WDR41: variants seen among roughly 807,000 people sequenced by gnomAD.
The protein encoded by WDR41 is WD repeat domain 41, also known as WD repeat-containing protein 41.
WDR41 carries 63 observed loss-of-function variants against 69.3 expected under a neutral mutation model. The ratio of observed to expected loss-of-function variants is 0.91; its 90% CI spans 0.74 to 1.12. The LOEUF (loss-of-function observed/expected upper bound fraction) is 1.12. WDR41 is among the 50% of genes most tolerant of loss of function. The probability of loss-of-function intolerance (pLI) is 0.00; values close to 1 mark genes in which losing one functional copy is unlikely to be tolerated. For synonymous variants in WDR41, 185 were observed against 192.1 expected (o/e 0.96, Z 0.31); for missense variants, 543 against 534.5 (o/e 1.02, Z -0.16).
chr5:77,459,205 A>T (rs1170674144), intron 4 of WDR41, 81 bp from the exon 5 acceptor site: 2 of 1,028,952 alleles, frequency 1.9e-6, no homozygotes, highest in Non-Finnish European at 1.5e-6. Context: ...ATTAAGCCAC[A>T]AATGTTAAGC....
chr5:77,453,194 G>A (rs1799692746), intron 6 of WDR41, among the ~76,000 whole-genome samples: 1 of 152,086 alleles, frequency 6.6e-6, no homozygotes, highest in Admixed American at 6.5e-5. Context: ...GCACAACAAT[G>A]TTCCTTCTAG....
intron 1 of WDR41, among the ~76,000 whole-genome samples, chr5:77,534,137 C>T (rs889337822): frequency 6.6e-6 from 1 of 151,980 alleles, no homozygotes; most frequent in African/African-American, 2.4e-5. Context: ...TAAATAGACA[C>T]TTAAAAAAGT....
chr5:77,450,616 T>G (rs1016659664), intron 7 of WDR41, among the ~76,000 whole-genome samples: 6 of 152,134 alleles, frequency 3.9e-5, no homozygotes, highest in Non-Finnish European at 8.8e-5. Flanking sequence ...TAAGGCCCAG[T>G]CACAAATGCT....
chr5:77,604,395 G>A (rs1744377168), intron 1 of WDR41, among the ~76,000 whole-genome samples: 1 of 152,114 alleles, frequency 6.6e-6, no homozygotes, highest in Non-Finnish European at 1.5e-5. Flanking sequence ...TGCTTTACAT[G>A]CTCAGAGAAA....
chr5:77,445,273 G>A (rs1398762253), intron 8 of WDR41, among the ~76,000 whole-genome samples: 1 of 152,138 alleles, frequency 6.6e-6, no homozygotes, highest in Non-Finnish European at 1.5e-5. Context: ...TTCTGAAATT[G>A]AGGCAGTAAT....
At chr5:77,590,206 A>C (rs1295511117) in intron 1 of WDR41, among the ~76,000 whole-genome samples, 1 of 152,152 alleles carries the variant, frequency 6.6e-6, no homozygotes, top group Non-Finnish European at 1.5e-5. Flanking sequence ...TATCAGTTTT[A>C]TAGATAGCTG....
At chr5:77,608,748 G>A (rs1744477991) in intron 1 of WDR41, among the ~76,000 whole-genome samples, 1 of 152,234 alleles carries the variant, frequency 6.6e-6, no homozygotes, top group Non-Finnish European at 1.5e-5. Flanking sequence ...GGTGATTTCT[G>A]CATTTCCATC....
intron 1 of WDR41, among the ~76,000 whole-genome samples, chr5:77,553,054 A>G: frequency 6.6e-6 from 1 of 152,224 alleles, no homozygotes; most frequent in Non-Finnish European, 1.5e-5. Context: ...CCTCCCTGAA[A>G]TTAGAAATGT....
chr5:77,465,646 G>C (rs1348188337), intron 2 of WDR41, among the ~76,000 whole-genome samples: 1 of 150,954 alleles, frequency 6.6e-6, no homozygotes, highest in East Asian at 1.9e-4. Context: ...TCATCCACAA[G>C]TTTGTAAATA....
chr5:77,441,843 C>G (rs1799180455), intron 8 of WDR41, among the ~76,000 whole-genome samples: 1 of 150,808 alleles, frequency 6.6e-6, no homozygotes, highest in African/African-American at 2.4e-5. Context: ...ATAAGGAGTT[C>G]TTGGAAATTA....
At chr5:77,565,900 T>C (rs565291868) in intron 1 of WDR41, among the ~76,000 whole-genome samples, 29 of 152,300 alleles carry the variant, frequency 1.9e-4, no homozygotes, top group African/African-American at 6.7e-4. Context: ...TCTGAAGGTG[T>C]ATTGTAGGTA....
chr5:77,584,000 C>T (rs867306909), intron 1 of WDR41, among the ~76,000 whole-genome samples: 1 of 152,188 alleles, frequency 6.6e-6, no homozygotes, highest in Non-Finnish European at 1.5e-5. Flanking sequence ...ACATAATCAT[C>T]TCAATAGATG....
chr5:77,487,861 T>C (rs1801592569), intron 2 of WDR41, among the ~76,000 whole-genome samples: 3 of 152,190 alleles, frequency 2.0e-5, no homozygotes, highest in Admixed American at 6.5e-5. Context: ...CAAACAATCA[T>C]GCCTACTAAT....
chr5:77,611,286 C>T (rs1362317931), intron 1 of WDR41, among the ~76,000 whole-genome samples: 1 of 152,198 alleles, frequency 6.6e-6, no homozygotes, highest in Non-Finnish European at 1.5e-5. Context: ...GAATTGAACT[C>T]AGCTCTGCAC....
At chr5:77,613,627 C>G (rs1192759450) in intron 1 of WDR41, among the ~76,000 whole-genome samples, 1 of 152,102 alleles carries the variant, frequency 6.6e-6, no homozygotes, top group Non-Finnish European at 1.5e-5. Context: ...TTCCTTACAC[C>G]TTATACAAAA....
At chr5:77,495,050 A>G (rs760441171), upstream of WDR41, among the ~76,000 whole-genome samples, 1 of 152,168 alleles carries the variant, frequency 6.6e-6, no homozygotes, top group Non-Finnish European at 1.5e-5. Context: ...AATGAGTCAC[A>G]AGAAAAAGCA....
chr5:77,591,806 C>T (rs1420902288), intron 1 of WDR41, among the ~76,000 whole-genome samples: 1 of 152,030 alleles, frequency 6.6e-6, no homozygotes, highest in African/African-American at 2.4e-5. Context: ...CTTTATGTTC[C>T]ACCATATGAT....
chr5:77,438,462 T>C (rs1191269137), intron 9 of WDR41, 101 bp from the exon 10 acceptor site: 2 of 1,491,662 alleles, frequency 1.3e-6, no homozygotes, highest in Admixed American at 2.1e-5. Context: ...CACCATTACC[T>C]TTCCCATTCC....
chr5:77,502,177 T>A (rs1802026143), intron 1 of WDR41, among the ~76,000 whole-genome samples: 1 of 152,106 alleles, frequency 6.6e-6, no homozygotes, highest in Non-Finnish European at 1.5e-5. Flanking sequence ...AGATCTTAAA[T>A]GACCTGATGG....
Sources: allele counts gnomAD v4.1 joint callset (sites outside exome capture counted in the v4.1 genomes callset), GRCh38; gene constraint gnomAD v4.1.1; transcripts MANE v1.5; gene names NCBI Gene and HGNC (gene_info 2026-07-23, HGNC 2026-07-21).